Variants in GTPBP3 observed in about 807,000 individuals in gnomAD.
The protein encoded by GTPBP3 is GTP binding protein 3, mitochondrial, also known as 5-taurinomethyluridine-[tRNA] synthase subunit GTPB3, mitochondrial.
GTPBP3 carries 35 observed loss-of-function variants against 42.0 expected under a neutral mutation model. The observed-to-expected ratio is 0.83, with a 90% CI of 0.64 to 1.10. The LOEUF (loss-of-function observed/expected upper bound fraction) is 1.10. Among genes scored for constraint, GTPBP3 ranks in the 50% least tolerant of loss-of-function variants. GTPBP3 has a pLI of 0.00. For synonymous variants in GTPBP3, 332 were observed against 314.9 expected, an observed-to-expected ratio of 1.05 and a Z score of -0.58; for missense variants, 691 against 685.2, an observed-to-expected ratio of 1.01 and a Z score of -0.09.
chr19:17,339,311 G>A, intron 6 of GTPBP3, 45 bp downstream of exon 6: 1 of 1,582,264 alleles, frequency 6.3e-7, no homozygotes, highest in Non-Finnish European at 8.6e-7. Flanking sequence ...GCCAGGGGCG[G>A]GGCCAAGAGC....
intron 7 of GTPBP3, among the ~76,000 whole-genome samples, chr19:17,340,544 A>T (rs992863396): frequency 7.4e-6 from 1 of 135,326 alleles, no homozygotes; most frequent in African/African-American, 2.9e-5. Context: ...TCTACCCCTT[A>T]CCCTGTGGTG....
chr19:17,339,738 CTTTTTTTTTTT>C, intron 7 of GTPBP3, 139 bp downstream of exon 7: 2 of 489,978 alleles, frequency 4.1e-6, no homozygotes, highest in East Asian at 3.9e-5. Context: ...GGATTTGGTT[CTTTTTTTTTTT>C]TTTTTTTTTT....
Position 17,342,168 on chromosome 19 carries a change from A to G in GTPBP3, c.*465A>G, listed in dbSNP as rs1435639266. Reference sequence around the variant, plus strand: ...GCCCAGGCTGGAGTGCAGTGGTGCGACCTTGGCTCACTGCAACCTCCATCT... The same window carrying G: ...GCCCAGGCTGGAGTGCAGTGGTGCGGCCTTGGCTCACTGCAACCTCCATCT... On this transcript the variant is annotated 3_prime_UTR_variant, in exon 9 of 9. Transcript: ENST00000324894. The G allele has an allele frequency of 7.1e-6, 1 of 141,740 alleles. No individual in the cohort carries two copies. The highest frequency in any genetic ancestry group is 2.7e-5 in the African/African-American group (1 of 37,658). The allele number at this position is 141,740 out of a possible 1,614,324, so 8.8% of individuals were successfully genotyped here.
chr19:17,336,886 G>T (rs545857353), upstream of GTPBP3: 4 of 152,386 alleles, frequency 2.6e-5, no homozygotes, highest in East Asian at 7.7e-4. Flanking sequence ...CTGTGCTGGG[G>T]GTTCCAGGAA....
At chr19:17,339,290 C>G (rs1269737944) in intron 6 of GTPBP3, 24 bp downstream of exon 6, 3 of 1,545,506 alleles carry the variant, frequency 1.9e-6, no homozygotes, top group Non-Finnish European at 2.6e-6. Context: ...GGGAAGGGGG[C>G]GGGGCCTAGT....
In GTPBP3 at chr19:17,341,203, G is replaced by A; in HGVS notation, c.1134G>A (p.Leu378=). The stretch of plus-strand genomic sequence containing the variant: ...TCCTGGTGCTGAACAAGTCGGACCT[G>A]CTGTCCCCGGAGGGCCCAGGTCCCG... ...RLLLVLNKSD[L]LSPEGPGPGP... The change falls in exon 8 of 9, where the codon CTG becomes CTA. Residue 378 remains leucine (L), a synonymous_variant. Transcript: ENST00000324894. 6.2e-7 allele frequency: 1 copy of A among 1,610,340 alleles called. No homozygotes were observed.
intron 7 of GTPBP3, among the ~76,000 whole-genome samples, chr19:17,340,394 T>C (rs2074417094): frequency 6.6e-6 from 1 of 152,002 alleles, no homozygotes. Flanking sequence ...TTCTCATCCC[T>C]AAGCCCTCCG....
At position 17,338,587 on chromosome 19, in the gene GTPBP3, G is replaced by A. The variant is rs768956976; in HGVS notation, c.437G>A (p.Arg146Gln). The A allele has an allele frequency of 6.2e-7, 1 of 1,614,060 alleles. No individual in the cohort carries two copies. Among genetic ancestry groups the A allele is most frequent in the East Asian group, 2.2e-5 (1 of 44,874 alleles). The change falls in exon 4 of 9, where the codon CGG (arginine) becomes CAG (glutamine). Residue 146 changes from arginine (R) to glutamine (Q), a missense_variant. Arg to Gln is a conservative substitution (Grantham distance 43, BLOSUM62 1). Transcript: ENST00000324894. Reference protein sequence around the residue: ...RPAEAGEFTRRAFANGKLNLT... With the variant: ...RPAEAGEFTRQAFANGKLNLT... ...GCGGAGGCAGGCGAGTTCACCAGAC[G>A]GGCGTTCGCCAATGGGAAGCTGAAC...
upstream of GTPBP3, among the ~76,000 whole-genome samples, chr19:17,335,286 C>T (rs2074357262): frequency 6.6e-6 from 1 of 152,240 alleles, no homozygotes; most frequent in Non-Finnish European, 1.5e-5. Flanking sequence ...TCCTCATGCA[C>T]TCTTCGTCCG....
upstream of GTPBP3, among the ~76,000 whole-genome samples, chr19:17,336,450 C>A (rs760444200): frequency 1.4e-4 from 20 of 143,150 alleles, no homozygotes; most frequent in Non-Finnish European, 2.6e-4. Flanking sequence ...GTTGCAAGAG[C>A]CGTGATCGCG....
At chr19:17,335,100 G>A, upstream of GTPBP3, 2 of 1,536,072 alleles carry the variant, frequency 1.3e-6, no homozygotes, top group Admixed American at 2.0e-5. Flanking sequence ...CCCTGGAGAC[G>A]CTGTTTGGAA....
At chr19:17,340,464 T>C (rs1157974674) in intron 7 of GTPBP3, among the ~76,000 whole-genome samples, 4 of 147,266 alleles carry the variant, frequency 2.7e-5, no homozygotes, top group Non-Finnish European at 4.5e-5. Flanking sequence ...CACTCCGCTC[T>C]GCCCCTTGCG....
chr19:17,335,204 A>T (rs990778822), upstream of GTPBP3: 1 of 1,519,092 alleles, frequency 6.6e-7, no homozygotes, highest in Non-Finnish European at 8.8e-7. Context: ...CCACCCCAGT[A>T]GGGCTGTGAT....
At position 17,338,169 on chromosome 19, in the gene GTPBP3, C is replaced by T. The variant is rs542667981; in HGVS notation, c.215C>T (p.Pro72Leu). Residue 72 changes from proline (P) to leucine (L), a missense_variant, in exon 2 of 9, where the codon CCC becomes CTC. Coordinates refer to ENST00000324894, the MANE Select transcript of GTPBP3 (RefSeq NM_032620.4). ...LRILTAPRDL[P>L]LARHASLRLL... ...ATTCTCACAGCACCCCGAGACCTGC[C>T]CCTTGCTCGCCACGCCAGCCTGCGC... The T allele has an allele frequency of 5.0e-6, 8 of 1,592,852 alleles. No individual in the cohort carries two copies. The African/African-American group carries it at 9.4e-5, about 19-fold the overall frequency.
upstream of GTPBP3, among the ~76,000 whole-genome samples, chr19:17,335,692 C>A (rs1316293244): frequency 6.6e-6 from 1 of 152,146 alleles, no homozygotes; most frequent in East Asian, 1.9e-4. Context: ...TTTTACCTGG[C>A]ATTTGGCCAA....
At chr19:17,340,902 C>A in intron 7 of GTPBP3, 142 bp from the exon 8 acceptor site, 1 of 786,766 alleles carries the variant, frequency 1.3e-6, no homozygotes, top group Non-Finnish European at 1.9e-6. Flanking sequence ...TTCTGCCGGT[C>A]CCCTGGTACT....
chr19:17,337,394 C>A, upstream of GTPBP3: 1 of 961,790 alleles, frequency 1.0e-6, no homozygotes, highest in Non-Finnish European at 1.3e-6. Context: ...CATTTCGCTA[C>A]ACCTACCTCC....
chr19:17,340,460 G>T (rs934793728), intron 7 of GTPBP3, among the ~76,000 whole-genome samples: 6 of 146,872 alleles, frequency 4.1e-5, no homozygotes, highest in Non-Finnish European at 7.5e-5. Context: ...CTGGCACTCC[G>T]CTCTGCCCCT....
Position 17,338,265 on chromosome 19 carries a change from C to T in GTPBP3, c.301+10C>T. On this transcript the variant is annotated intron_variant, in intron 2 of 8. Coordinates refer to ENST00000324894, the MANE Select transcript of GTPBP3 (RefSeq NM_032620.4). Reference sequence around the variant, plus strand: ...GTGCTCTGGTTCCCAGGTGAGGGTCCCCAGGTTCCGAGCCTCCTGTAGGTC... The same window carrying T: ...GTGCTCTGGTTCCCAGGTGAGGGTCTCCAGGTTCCGAGCCTCCTGTAGGTC... 1 of 1,595,464 alleles carries T rather than the reference C, an allele frequency of 6.3e-7. No homozygotes were observed. The highest frequency in any genetic ancestry group is 8.5e-7 in the Non-Finnish European group (1 of 1,173,514).
Sources: gnomAD v4.1 joint callset for allele counts (sites outside exome capture counted in the v4.1 genomes callset) on GRCh38, gnomAD v4.1.1 for gene constraint, MANE v1.5 for transcripts, NCBI Gene and HGNC (gene_info 2026-07-23, HGNC 2026-07-21) for gene names.